The following BMP6 variants were observed in gnomAD, a reference collection of about 807,000 sequenced individuals.
The protein encoded by BMP6 is bone morphogenetic protein 6, also known as VG-1-R.
Under a neutral mutation model 54.1 loss-of-function variants are expected in BMP6, and 17 were observed. The ratio of observed to expected loss-of-function variants is 0.31; its 90% confidence interval spans 0.22 to 0.47. BMP6 has a LOEUF of 0.47. Ranked by LOEUF, BMP6 falls within the 20% of genes least tolerant of loss-of-function variation. The pLI is 1.00. For synonymous variants in BMP6, 328 were observed against 291.2 expected (o/e 1.13, Z -1.28); for missense variants, 720 against 690.4 (o/e 1.04, Z -0.48).
chr6:7,832,835 G>A (rs1758812945), intron 1 of BMP6, among the ~76,000 whole-genome samples: 1 of 150,684 alleles, frequency 6.6e-6, no homozygotes, highest in East Asian at 1.9e-4. Context: ...TCCAGGGCAA[G>A]TATATTGTAT....
intron 1 of BMP6, among the ~76,000 whole-genome samples, chr6:7,766,445 C>T (rs1757689517): frequency 6.6e-6 from 1 of 152,048 alleles, no homozygotes; most frequent in Non-Finnish European, 1.5e-5. Flanking sequence ...GGGACCCTGT[C>T]TCTACAAAAA....
chr6:7,858,189 T>G (rs374188419), intron 2 of BMP6, among the ~76,000 whole-genome samples: 9 of 152,176 alleles, frequency 5.9e-5, no homozygotes, highest in African/African-American at 1.4e-4. Context: ...ACTCAGGTGA[T>G]CCTCTCGCCT....
chr6:7,755,461 A>C (rs1362730949), intron 1 of BMP6, among the ~76,000 whole-genome samples: 1 of 152,174 alleles, frequency 6.6e-6, no homozygotes. Context: ...AGTATACTTC[A>C]ATTTCCTTCT....
chr6:7,788,576 C>T (rs1331440631), intron 1 of BMP6, among the ~76,000 whole-genome samples: 2 of 152,108 alleles, frequency 1.3e-5, no homozygotes, highest in Non-Finnish European at 2.9e-5. Context: ...AATTGTAACA[C>T]TGTATATATG....
intron 1 of BMP6, among the ~76,000 whole-genome samples, chr6:7,825,981 A>G (rs186194839): frequency 4.6e-5 from 7 of 152,286 alleles, no homozygotes; most frequent in South Asian, 4.1e-4. Flanking sequence ...ACAGTGGCCA[A>G]TATTTCCTTT....
At chr6:7,839,553 A>G (rs904499549) in intron 1 of BMP6, among the ~76,000 whole-genome samples, 2 of 152,204 alleles carry the variant, frequency 1.3e-5, no homozygotes, top group African/African-American at 2.4e-5. Flanking sequence ...TATAAGTGGA[A>G]TTATACAGTA....
At chr6:7,756,210 C>T (rs568741758) in intron 1 of BMP6, among the ~76,000 whole-genome samples, 6 of 152,012 alleles carry the variant, frequency 3.9e-5, no homozygotes, top group African/African-American at 1.2e-4. Context: ...TGTTTTGTTT[C>T]CTCTCTGTGT....
intron 1 of BMP6, among the ~76,000 whole-genome samples, chr6:7,787,472 T>A (rs1445640528): frequency 6.6e-6 from 1 of 152,192 alleles, no homozygotes; most frequent in Non-Finnish European, 1.5e-5. Context: ...TTTTTCCCAT[T>A]CATGTACTTT....
intron 1 of BMP6, among the ~76,000 whole-genome samples, chr6:7,842,805 TAA>T (rs1758997544): frequency 6.6e-6 from 1 of 152,278 alleles, no homozygotes; most frequent in Non-Finnish European, 1.5e-5. Context: ...TGAAATATCT[TAA>T]AGTTACTGTC....
At chr6:7,828,757 C>T (rs1438502329) in intron 1 of BMP6, among the ~76,000 whole-genome samples, 1 of 152,254 alleles carries the variant, frequency 6.6e-6, no homozygotes, top group Non-Finnish European at 1.5e-5. Flanking sequence ...TAGCCCTCAG[C>T]AGGAGCATGC....
chr6:7,727,476 C>G lies in BMP6; in HGVS notation c.521C>G (p.Pro174Arg), dbSNP rs200328714. ...EAASSSQRRQ[P>R]PPGAAHPLNR... ...GCCAGCTCGTCCCAGCGTCGGCAGC[C>G]GCCCCCGGGCGCCGCGCACCCGCTC... The change falls in exon 1 of 7, where the codon CCG becomes CGG. Residue 174 changes from proline to arginine, a missense_variant. By Grantham distance (103) the Pro-to-Arg change is moderately radical (BLOSUM62 -2). This residue lies in a region of BMP6 where 650 missense variants were observed against 556.3 expected (regional missense o/e 1.17). Coordinates refer to ENST00000283147, the MANE Select transcript of BMP6 (RefSeq NM_001718.6). 1.9e-6 allele frequency: 3 copies of G among 1,593,320 alleles called. No individual in the cohort carries two copies. In the African/African-American group the frequency reaches 4.0e-5, roughly 21 times the overall value.
rs1561750471 is a variant in BMP6 at position 7,727,284 on chromosome 6, A to G, written c.329A>G (p.Gln110Arg). Residue 110 changes from glutamine (Q) to arginine (R), a missense_variant, in exon 1 of 7, where the codon CAG becomes CGG. Around this residue, in one of 3 missense-constraint regions of BMP6, gnomAD observed 650 missense variants for 556.3 expected, o/e 1.17. Coordinates refer to ENST00000283147, the MANE Select transcript of BMP6 (RefSeq NM_001718.6). ...CCGCAGCCCCCGGCGCTCCGGCAGC[A>G]GGAGGAGCAGCAGCAGCAGCAGCAG... ...QQPQPPALRQ[Q>R]EEQQQQQQLP... 2 of 1,606,484 alleles carry G rather than the reference A, an allele frequency of 1.2e-6. No individual in the cohort carries two copies. The highest frequency in any genetic ancestry group is 1.7e-6 in the Non-Finnish European group (2 of 1,177,326).
intron 1 of BMP6, among the ~76,000 whole-genome samples, chr6:7,752,559 G>GT (rs5874110): frequency 0.21 from 25,916 of 122,254 alleles, 2,674 homozygotes; most frequent in East Asian, 0.29. Context: ...TTCAACATAG[G>GT]TTTTTTTTTT....
intron 1 of BMP6, among the ~76,000 whole-genome samples, chr6:7,802,786 T>C (rs1758290548): frequency 6.6e-6 from 1 of 152,226 alleles, no homozygotes; most frequent in African/African-American, 2.4e-5. Context: ...CAGAGAGACA[T>C]TCTTAGGCAA....
At chr6:7,846,862 A>C (rs554793359) in intron 2 of BMP6, among the ~76,000 whole-genome samples, 1 of 152,230 alleles carries the variant, frequency 6.6e-6, no homozygotes, top group South Asian at 2.1e-4. Context: ...CTGCCTAATT[A>C]TTTATTTCAT....
intron 1 of BMP6, among the ~76,000 whole-genome samples, chr6:7,800,780 T>G (rs1561775954): frequency 6.6e-6 from 1 of 152,208 alleles, no homozygotes; most frequent in Non-Finnish European, 1.5e-5. Context: ...AATAAATTGA[T>G]TCATTAAAAC....
chr6:7,741,708 C>G (rs1238199272), intron 1 of BMP6, among the ~76,000 whole-genome samples: 1 of 152,232 alleles, frequency 6.6e-6, no homozygotes, highest in Non-Finnish European at 1.5e-5. Flanking sequence ...GCTGGGCTTA[C>G]AGGCATGAGC....
chr6:7,862,438 C>A lies in BMP6; in HGVS notation c.1144C>A (p.Gln382Lys), dbSNP rs1183074241. 6 of 1,614,094 alleles carry A rather than the reference C, an allele frequency of 3.7e-6. No individual in the cohort carries two copies. Among genetic ancestry groups the A allele is most frequent in the Non-Finnish European group, 5.1e-6 (6 of 1,180,054 alleles). ...CAGGTCAGCCTCCAGCCGGCGCCGA[C>A]AACAGAGTCGTAATCGCTCTACCCA... ...TTRSASSRRR[Q>K]QSRNRSTQSQ... Residue 382 changes from glutamine (Q) to lysine (K), a missense_variant, in exon 4 of 7, where the codon CAA (glutamine) becomes AAA (lysine). Physicochemically the swap from Gln to Lys is moderately conservative, Grantham distance 53 (BLOSUM62 1). This residue lies in a region of BMP6 where 650 missense variants were observed against 556.3 expected (regional missense o/e 1.17). Coordinates refer to ENST00000283147, the MANE Select transcript of BMP6 (RefSeq NM_001718.6).
chr6:7,736,557 C>A (rs1431368629), intron 1 of BMP6, among the ~76,000 whole-genome samples: 1 of 152,130 alleles, frequency 6.6e-6, no homozygotes. Flanking sequence ...ACAGAGACTC[C>A]ATCAATTCAG....
Sources: gnomAD v4.1 joint callset for allele counts (sites outside exome capture counted in the v4.1 genomes callset) on GRCh38, gnomAD v4.1.1 for gene constraint, gnomAD v4.1.1 regional missense constraint, MANE v1.5 for transcripts, NCBI Gene and HGNC (gene_info 2026-07-23, HGNC 2026-07-21) for gene names.